The following SCFD2 variants were observed in gnomAD, a reference collection of about 807,000 sequenced individuals.
SCFD2 encodes the protein sec1 family domain containing 2.
A neutral mutation model predicts 58.9 loss-of-function variants in SCFD2; 54 were observed. The ratio of observed to expected loss-of-function variants is 0.92; its 90% CI spans 0.74 to 1.15. The LOEUF (loss-of-function observed/expected upper bound fraction) is 1.15, where lower values mean the gene tolerates loss of function less well. Ranked by LOEUF, SCFD2 falls within the 50% of genes most tolerant of loss-of-function variation. The pLI, the probability that SCFD2 is intolerant of heterozygous loss-of-function variation, is 0.00. For missense variants in SCFD2, 805 were observed against 836.6 expected, an observed-to-expected ratio of 0.96 and a Z score of 0.47; for synonymous variants, 321 against 335.9, an observed-to-expected ratio of 0.96 and a Z score of 0.49.
intron 2 of SCFD2, among the ~76,000 whole-genome samples, chr4:53,319,825 C>T (rs1732974927): frequency 1.3e-5 from 2 of 152,174 alleles, no homozygotes; most frequent in African/African-American, 4.8e-5. Context: ...AGCCACTAGG[C>T]CCACCCGTCT....
intron 5 of SCFD2, among the ~76,000 whole-genome samples, chr4:53,069,936 T>C (rs1352209624): frequency 6.6e-6 from 1 of 152,070 alleles, no homozygotes; most frequent in East Asian, 1.9e-4. Flanking sequence ...TTTTATAGCT[T>C]CATAATTAAC....
chr4:53,161,053 T>C (rs762759603), intron 4 of SCFD2, among the ~76,000 whole-genome samples: 2 of 152,194 alleles, frequency 1.3e-5, no homozygotes, highest in African/African-American at 4.8e-5. Context: ...TAATGTGTAA[T>C]GGAAGAAGCC....
chr4:53,115,338 C>CTGAGG (rs949790992), intron 5 of SCFD2, among the ~76,000 whole-genome samples: 39 of 152,150 alleles, frequency 2.6e-4, no homozygotes, highest in African/African-American at 8.9e-4. Flanking sequence ...GAAGAAAAGA[C>CTGAGG]TGAGTCAGGG....
intron 3 of SCFD2, among the ~76,000 whole-genome samples, chr4:53,291,838 C>A (rs1731851483): frequency 1.3e-5 from 2 of 152,028 alleles, no homozygotes; most frequent in Admixed American, 1.3e-4. Flanking sequence ...CATCTACAAC[C>A]AGCTGATGTT....
chr4:53,022,767 C>A (rs1470574829), intron 5 of SCFD2, among the ~76,000 whole-genome samples: 1 of 152,104 alleles, frequency 6.6e-6, no homozygotes, highest in Non-Finnish European at 1.5e-5. Context: ...GAAAATGCAA[C>A]AAGAGTTAAG....
intron 4 of SCFD2, among the ~76,000 whole-genome samples, chr4:53,164,628 C>T (rs1450557273): frequency 6.6e-6 from 1 of 151,790 alleles, no homozygotes; most frequent in Non-Finnish European, 1.5e-5. Flanking sequence ...ACCCCGTTTC[C>T]ACTAAAAATA....
intron 4 of SCFD2, among the ~76,000 whole-genome samples, chr4:53,251,962 C>T (rs1259029413): frequency 2.0e-5 from 3 of 152,148 alleles, no homozygotes; most frequent in Non-Finnish European, 2.9e-5. Context: ...TTGCAGACGA[C>T]ATGAATGTAT....
At chr4:53,089,237 T>C (rs1724403104) in intron 5 of SCFD2, among the ~76,000 whole-genome samples, 1 of 152,228 alleles carries the variant, frequency 6.6e-6, no homozygotes, top group Admixed American at 6.5e-5. Flanking sequence ...AAATGGTTTA[T>C]CTTTTTATTG....
At chr4:53,145,215 G>T in intron 5 of SCFD2, 118 bp downstream of exon 5, 1 of 1,294,812 alleles carries the variant, frequency 7.7e-7, no homozygotes, top group Non-Finnish European at 1.1e-6. Context: ...CAGGCCTCAT[G>T]AAATTCCAAA....
intron 5 of SCFD2, among the ~76,000 whole-genome samples, chr4:53,050,700 T>C (rs1425155675): frequency 2.6e-5 from 4 of 152,200 alleles, no homozygotes; most frequent in Non-Finnish European, 5.9e-5. Context: ...AAGTTACTCA[T>C]AGGCTGAAAA....
intron 7 of SCFD2, among the ~76,000 whole-genome samples, chr4:52,898,912 C>G (rs1477383379): frequency 6.6e-6 from 1 of 151,374 alleles, no homozygotes; most frequent in Non-Finnish European, 1.5e-5. Context: ...ATGTAATGGC[C>G]TTGTCTCTTT....
intron 7 of SCFD2, among the ~76,000 whole-genome samples, chr4:52,898,088 C>G (rs1300169320): frequency 3.9e-5 from 6 of 152,114 alleles, no homozygotes; most frequent in Admixed American, 6.5e-5. Context: ...CATTGTTGAT[C>G]TTTTCAAAAA....
At chr4:53,156,142 G>C (rs1416073184) in intron 4 of SCFD2, among the ~76,000 whole-genome samples, 1 of 152,162 alleles carries the variant, frequency 6.6e-6, no homozygotes, top group African/African-American at 2.4e-5. Context: ...CCTGCACTTT[G>C]GGAGGCCCAG....
intron 5 of SCFD2, among the ~76,000 whole-genome samples, chr4:52,995,566 T>G (rs1721726119): frequency 1.3e-5 from 2 of 152,246 alleles, no homozygotes; most frequent in Admixed American, 1.3e-4. Flanking sequence ...ATGCCTGGTC[T>G]GGGTAAGAGA....
At chr4:53,060,820 G>A (rs1723489106) in intron 5 of SCFD2, among the ~76,000 whole-genome samples, 1 of 152,066 alleles carries the variant, frequency 6.6e-6, no homozygotes, top group Non-Finnish European at 1.5e-5. Context: ...TAGATAAACA[G>A]CAATAGATAA....
chr4:52,928,249 T>C (rs922400586), intron 5 of SCFD2, among the ~76,000 whole-genome samples: 1 of 152,080 alleles, frequency 6.6e-6, no homozygotes, highest in African/African-American at 2.4e-5. Context: ...GGTGGGAGGA[T>C]CACTTCAGCC....
intron 4 of SCFD2, among the ~76,000 whole-genome samples, chr4:53,158,802 T>C (rs1456820479): frequency 6.6e-6 from 1 of 152,218 alleles, no homozygotes; most frequent in Non-Finnish European, 1.5e-5. Flanking sequence ...TTCTGACAGA[T>C]TACAATTAAA....
chr4:53,223,098 G>T (rs1313199978), intron 4 of SCFD2, among the ~76,000 whole-genome samples: 4 of 152,058 alleles, frequency 2.6e-5, no homozygotes, highest in Non-Finnish European at 1.5e-5. Context: ...CAAATGTTCA[G>T]TTCTATTGGC....
intron 7 of SCFD2, among the ~76,000 whole-genome samples, chr4:52,895,617 T>A (rs2109457488): frequency 6.6e-6 from 1 of 152,348 alleles, no homozygotes; most frequent in Admixed American, 6.5e-5. Flanking sequence ...TTGTGAATAG[T>A]GCCGCAATAA....
Sources: gnomAD v4.1 joint callset for allele counts (sites outside exome capture counted in the v4.1 genomes callset) on GRCh38, gnomAD v4.1.1 for gene constraint, MANE v1.5 for transcripts, NCBI Gene and HGNC (gene_info 2026-07-23, HGNC 2026-07-21) for gene names.